The following NRXN3 variants were observed in gnomAD, a reference collection of about 807,000 sequenced individuals.
The protein encoded by NRXN3 is neurexin 3.
NRXN3 carries 32 observed loss-of-function variants against 137.6 expected under a neutral mutation model. The ratio of observed to expected loss-of-function variants is 0.23; its 90% CI spans 0.18 to 0.31. The LOEUF is 0.31. Ranked by LOEUF, NRXN3 falls within the 10% of genes least tolerant of loss-of-function variation. NRXN3 has a pLI of 1.00. For synonymous variants in NRXN3, 798 were observed against 784.5 expected (o/e 1.02, Z -0.29); for missense variants, 1,574 against 2,062.5 (o/e 0.76, Z 4.59).
intron 4 of NRXN3, among the ~76,000 whole-genome samples, chr14:78,501,241 G>A (rs1259281643): frequency 2.0e-5 from 3 of 152,132 alleles, no homozygotes; most frequent in Non-Finnish European, 2.9e-5. Context: ...CTCTCAGAAG[G>A]TTATCATTGA....
At chr14:78,593,261 T>C (rs1361148189) in intron 4 of NRXN3, among the ~76,000 whole-genome samples, 1 of 152,214 alleles carries the variant, frequency 6.6e-6, no homozygotes, top group East Asian at 1.9e-4. Flanking sequence ...TAAAGACATA[T>C]TAACATCTCT....
intron 8 of NRXN3, among the ~76,000 whole-genome samples, chr14:78,726,771 G>A (rs567670990): frequency 2.0e-5 from 3 of 151,608 alleles, no homozygotes; most frequent in African/African-American, 7.3e-5. Context: ...TGCCCACCTC[G>A]GCCTCCCAAC....
chr14:79,689,920 T>C (rs1477592164), intron 17 of NRXN3, among the ~76,000 whole-genome samples: 1 of 152,182 alleles, frequency 6.6e-6, no homozygotes, highest in Non-Finnish European at 1.5e-5. Flanking sequence ...ACTTCTGATT[T>C]TGCCCTGCAT....
At position 79,185,666 on chromosome 14, in the gene NRXN3, C is replaced by T. The variant is rs535785495; in HGVS notation, c.3262+197525C>T. Among the ~76,000 whole-genome samples the T allele has an allele frequency of 4.6e-4, 70 of 152,088 alleles. 1 individual carries two copies. The East Asian group carries it at 8.2e-3, about 18-fold the overall frequency. On this transcript the variant is annotated intron_variant, in intron 15 of 20. Transcript: ENST00000335750. ...ATTTTTAGTAGAGACAGGGTTTCAC[C>T]ATGTTAGCCAGGATGGTCTCGATCT...
At chr14:79,660,836 G>T (rs1306334030) in intron 16 of NRXN3, among the ~76,000 whole-genome samples, 1 of 152,106 alleles carries the variant, frequency 6.6e-6, no homozygotes, top group Non-Finnish European at 1.5e-5. Context: ...CATTTGTGGG[G>T]TGGGCAGAGG....
intron 19 of NRXN3, among the ~76,000 whole-genome samples, chr14:79,773,528 A>T (rs2071425014): frequency 6.6e-6 from 1 of 151,418 alleles, no homozygotes; most frequent in African/African-American, 2.4e-5. Flanking sequence ...TATCGCAAGA[A>T]CAAACAACCA....
chr14:78,295,516 A>G (rs2076223657), intron 3 of NRXN3, among the ~76,000 whole-genome samples: 1 of 152,230 alleles, frequency 6.6e-6, no homozygotes. Flanking sequence ...GCAGGGTTCT[A>G]TTAAATATCC....
intron 10 of NRXN3, among the ~76,000 whole-genome samples, chr14:78,849,196 A>T (rs1596471902): frequency 6.6e-6 from 1 of 152,236 alleles, no homozygotes; most frequent in South Asian, 2.1e-4. Context: ...TCCTCAGGCA[A>T]GTTAGTTAGC....
chr14:79,017,338 C>T (rs1366365785), intron 15 of NRXN3, among the ~76,000 whole-genome samples: 2 of 151,662 alleles, frequency 1.3e-5, no homozygotes, highest in Non-Finnish European at 2.9e-5. Flanking sequence ...GTAATAGCTC[C>T]ATTCACTTAG....
At chr14:78,870,329 A>G (rs908182594) in intron 10 of NRXN3, among the ~76,000 whole-genome samples, 5 of 152,336 alleles carry the variant, frequency 3.3e-5, no homozygotes, top group East Asian at 1.9e-4. Flanking sequence ...TCTGATTATA[A>G]GAATAACATG....
Position 79,853,978 on chromosome 14 carries a change from T to C in NRXN3, c.4094-7364T>C, listed in dbSNP as rs1005587321. ...TAAAAATTTGTTAAAGTGCAGATTT[T>C]TTTTTTCTTTTTATGTTATGTGGTG... On this transcript the variant is annotated intron_variant, in intron 20 of 20. Transcript: ENST00000335750. 34 of 987,956 alleles carry C rather than the reference T, an allele frequency of 3.4e-5. No individual in the cohort carries two copies. In the African/African-American group the frequency reaches 5.4e-4, roughly 16 times the overall value. The allele number at this position is 987,956 out of a possible 1,614,324, so 61.2% of individuals were successfully genotyped here.
At chr14:78,864,752 A>G (rs950690622) in intron 10 of NRXN3, among the ~76,000 whole-genome samples, 4 of 152,150 alleles carry the variant, frequency 2.6e-5, no homozygotes, top group African/African-American at 9.7e-5. Context: ...TTTCATAAAG[A>G]GTGGACAGTC....
At chr14:79,673,674 C>G (rs1175352288) in intron 17 of NRXN3, among the ~76,000 whole-genome samples, 1 of 152,174 alleles carries the variant, frequency 6.6e-6, no homozygotes, top group Non-Finnish European at 1.5e-5. Flanking sequence ...TCCACATCTA[C>G]TTTATATGTG....
intron 16 of NRXN3, among the ~76,000 whole-genome samples, chr14:79,548,622 G>T (rs1021736962): frequency 2.6e-5 from 4 of 151,986 alleles, no homozygotes; most frequent in African/African-American, 9.7e-5. Flanking sequence ...AGGCCTGGGA[G>T]TTGCAGTGAG....
chr14:78,175,808 A>G (rs1343480698), intron 1 of NRXN3, among the ~76,000 whole-genome samples: 1 of 152,156 alleles, frequency 6.6e-6, no homozygotes, highest in Non-Finnish European at 1.5e-5. Flanking sequence ...AGCTTTCTAA[A>G]ATAGTCCCCT....
chr14:78,559,490 A>G (rs944536160), intron 4 of NRXN3, among the ~76,000 whole-genome samples: 41 of 152,312 alleles, frequency 2.7e-4, no homozygotes, highest in Middle Eastern at 3.4e-3. Flanking sequence ...CTGAGCAAAA[A>G]TTGCTTGGGG....
At chr14:79,732,262 A>C (rs1010517558) in intron 19 of NRXN3, among the ~76,000 whole-genome samples, 1 of 152,164 alleles carries the variant, frequency 6.6e-6, no homozygotes, top group Admixed American at 6.6e-5. Flanking sequence ...TGATAAACTA[A>C]GTCAAGCTAA....
At chr14:78,711,848 A>T (rs2098410840) in intron 7 of NRXN3, among the ~76,000 whole-genome samples, 1 of 152,210 alleles carries the variant, frequency 6.6e-6, no homozygotes, top group African/African-American at 2.4e-5. Context: ...ATTTTAATAC[A>T]GTCTGTTAAA....
intron 10 of NRXN3, among the ~76,000 whole-genome samples, chr14:78,879,049 G>A (rs192929453): frequency 1.3e-5 from 2 of 152,124 alleles, no homozygotes; most frequent in African/African-American, 4.8e-5. Context: ...CTTTTTAAAG[G>A]CTCAATAATA....
Sources: gnomAD v4.1 joint callset for allele counts (sites outside exome capture counted in the v4.1 genomes callset) on GRCh38, gnomAD v4.1.1 for gene constraint, MANE v1.5 for transcripts, NCBI Gene and HGNC (gene_info 2026-07-23, HGNC 2026-07-21) for gene names.